RBFOX2: variants seen among roughly 807,000 people sequenced by gnomAD.
The protein encoded by RBFOX2 is RNA binding fox-1 homolog 2.
RBFOX2 carries 10 observed loss-of-function variants against 49.1 expected under a neutral mutation model. The ratio of observed to expected loss-of-function variants is 0.20; its 90% CI spans 0.13 to 0.35. The LOEUF is 0.35. Ranked by LOEUF, RBFOX2 falls within the 10% of genes least tolerant of loss-of-function variation. RBFOX2 has a pLI of 1.00. For missense variants in RBFOX2, 323 were observed against 486.9 expected (o/e 0.66, Z 3.17); for synonymous variants, 183 against 187.4 (o/e 0.98, Z 0.19).
intron 1 of RBFOX2, among the ~76,000 whole-genome samples, chr22:35,820,044 A>G (rs189606485): frequency 1.2e-4 from 19 of 152,318 alleles, no homozygotes; most frequent in Non-Finnish European, 2.2e-4. Flanking sequence ...TTGGAGACCT[A>G]TGTGATCAGA....
intron 1 of RBFOX2, among the ~76,000 whole-genome samples, chr22:35,810,470 T>C (rs1951653180): frequency 6.6e-6 from 1 of 151,954 alleles, no homozygotes; most frequent in Non-Finnish European, 1.5e-5. Context: ...TTATTATCAC[T>C]AGTCCCAGAG....
At chr22:35,911,097 T>A (rs2049766578) in intron 1 of RBFOX2, among the ~76,000 whole-genome samples, 1 of 152,228 alleles carries the variant, frequency 6.6e-6, no homozygotes, top group Non-Finnish European at 1.5e-5. Flanking sequence ...GGTTGTAACA[T>A]AGTTTCCACT....
Position 35,837,445 on chromosome 22 carries a change from G to GT in RBFOX2, c.27+2746dup, listed in dbSNP as rs1957879233. On this transcript the variant is annotated intron_variant, in intron 1 of 11. Coordinates refer to ENST00000405409, the Ensembl canonical transcript of RBFOX2. Reference sequence around the variant, plus strand: ...GACATTCTATATTGAGAAAGCTTATGTGACAGGTCATTATCAAATGTTGGG... The same window carrying GT: ...GACATTCTATATTGAGAAAGCTTATGTTGACAGGTCATTATCAAATGTTGGG... Among the ~76,000 whole-genome samples the GT allele has an allele frequency of 4.6e-5, 7 of 152,022 alleles. No homozygotes were observed. The South Asian group carries it at 1.4e-3, about 31-fold the overall frequency.
At chr22:35,844,947 A>G (rs1000368448), upstream of RBFOX2, among the ~76,000 whole-genome samples, 2 of 152,140 alleles carry the variant, frequency 1.3e-5, no homozygotes, top group African/African-American at 2.4e-5. Flanking sequence ...TCATTTAAAA[A>G]AAATTTTTTT....
chr22:35,929,691 G>T lies in RBFOX2; in HGVS notation c.-34+9156C>A, dbSNP rs147831438. On this transcript the variant is annotated intron_variant, in intron 1 of 13. Coordinates refer to the RBFOX2 transcript ENST00000359369. The stretch of plus-strand genomic sequence containing the variant: ...TTTTGAGACATGGTCTCGCTGTGTT[G>T]CCCACGCTGGTCTTGAACTCCTGGG... Among the ~76,000 whole-genome samples the T allele has an allele frequency of 2.6e-5, 4 of 151,738 alleles. No individual in the cohort carries two copies. In the East Asian group the frequency reaches 7.8e-4, roughly 30 times the overall value.
chr22:36,028,557 C>G, exon 1 of RBFOX2: 1 of 848,054 alleles, frequency 1.2e-6, no homozygotes, highest in African/African-American at 1.8e-5. Context: ...CGTGCGTGCG[C>G]GCGAGCGGAC....
At chr22:35,934,112 G>C (rs1382548216) in intron 1 of RBFOX2, among the ~76,000 whole-genome samples, 3 of 151,020 alleles carry the variant, frequency 2.0e-5, no homozygotes, top group Admixed American at 2.0e-4. Context: ...TACAAATCTA[G>C]ATAGACAGTT....
intron 1 of RBFOX2, among the ~76,000 whole-genome samples, chr22:36,004,870 A>G (rs568198392): frequency 7.2e-5 from 11 of 152,196 alleles, no homozygotes; most frequent in Non-Finnish European, 1.5e-4. Flanking sequence ...CAACCCTTTC[A>G]TCCCACTTCT....
chr22:35,968,143 A>G (rs2056670564), intron 1 of RBFOX2, among the ~76,000 whole-genome samples: 1 of 152,220 alleles, frequency 6.6e-6, no homozygotes, highest in Non-Finnish European at 1.5e-5. Flanking sequence ...CAAACTTAAA[A>G]AAGAGTCCCA....
intron 5 of RBFOX2, 77 bp from the exon 7 acceptor site, chr22:35,765,560 C>CA: frequency 2.6e-6 from 2 of 773,436 alleles, no homozygotes; most frequent in Admixed American, 2.8e-5. Flanking sequence ...CATCCAATAA[C>CA]AGAGTATTTA....
intron 1 of RBFOX2, among the ~76,000 whole-genome samples, chr22:35,882,585 A>C (rs866232605): frequency 6.6e-6 from 1 of 152,192 alleles, no homozygotes; most frequent in South Asian, 2.1e-4. Flanking sequence ...AAAGACAGAA[A>C]ACTTGATGAT....
At chr22:35,973,585 C>T (rs1290919988) in intron 1 of RBFOX2, among the ~76,000 whole-genome samples, 1 of 152,176 alleles carries the variant, frequency 6.6e-6, no homozygotes, top group Non-Finnish European at 1.5e-5. Flanking sequence ...TGTTGTCAGC[C>T]CCTCAGACAC....
rs111657526 is a variant in RBFOX2 at position 35,951,054 on chromosome 22, T to C, written c.42+10509A>G. ...CTGCAAGTTCCACCTCCCGGGTTCA[T>C]GCCATTCTCCTGCCTCAGCCTCCCA... On this transcript the variant is annotated intron_variant, in intron 1 of 5. Coordinates refer to the RBFOX2 transcript ENST00000408983. 5.7e-3 allele frequency among the ~76,000 whole-genome samples: 843 copies of C among 147,080 alleles called. 11 individuals carry two copies. The highest frequency in any genetic ancestry group is 0.02 in the African/African-American group (784 of 39,842).
intron 1 of RBFOX2, among the ~76,000 whole-genome samples, chr22:35,850,193 TACACACACACACACAC>T (rs58692076): frequency 3.8e-5 from 5 of 132,602 alleles, no homozygotes; most frequent in East Asian, 2.3e-4. Flanking sequence ...CTCTCTCTCA[TACACACACACACACAC>T]ACACACACAC....
intron 1 of RBFOX2, among the ~76,000 whole-genome samples, chr22:35,966,901 C>T (rs1160245893): frequency 6.6e-6 from 1 of 152,036 alleles, no homozygotes; most frequent in Non-Finnish European, 1.5e-5. Flanking sequence ...CAGCCTTGAA[C>T]TCCTAAGCTC....
At chr22:35,808,030 G>T (rs982553758) in intron 2 of RBFOX2, among the ~76,000 whole-genome samples, 4 of 150,220 alleles carry the variant, frequency 2.7e-5, no homozygotes, top group Non-Finnish European at 5.9e-5. Flanking sequence ...AAGAAACAGA[G>T]AATAAAAATG....
At chr22:35,750,091 G>A (rs1292651434) in intron 9 of RBFOX2, among the ~76,000 whole-genome samples, 1 of 152,030 alleles carries the variant, frequency 6.6e-6, no homozygotes, top group Non-Finnish European at 1.5e-5. Flanking sequence ...ATACCCTAAC[G>A]ACTGGCCCCT....
chr22:36,024,146 A>G (rs1319277059), intron 1 of RBFOX2, among the ~76,000 whole-genome samples: 1 of 152,240 alleles, frequency 6.6e-6, no homozygotes, highest in Non-Finnish European at 1.5e-5. Flanking sequence ...CTGGAATTTC[A>G]CAATTTTTCT....
chr22:36,007,946 T>A (rs1366448582), intron 1 of RBFOX2, among the ~76,000 whole-genome samples: 1 of 152,218 alleles, frequency 6.6e-6, no homozygotes, highest in African/African-American at 2.4e-5. Flanking sequence ...TCAACGAGCA[T>A]TTTTGTTTCT....
Sources: allele counts gnomAD v4.1 joint callset (sites outside exome capture counted in the v4.1 genomes callset), GRCh38; gene constraint gnomAD v4.1.1; transcripts MANE v1.5; gene names NCBI Gene and HGNC (gene_info 2026-07-23, HGNC 2026-07-21).